Variants in UBE2E2 observed in about 807,000 individuals in gnomAD.
UBE2E2 encodes ubiquitin conjugating enzyme E2 E2, also known as ubiquitin-conjugating enzyme E2 E2.
UBE2E2 carries 6 observed loss-of-function variants against 24.7 expected under a neutral mutation model. The ratio of observed to expected loss-of-function variants is 0.24; its 90% CI spans 0.13 to 0.48. The LOEUF is 0.48. Among genes scored for constraint, UBE2E2 ranks in the 20% least tolerant of loss-of-function variants. The pLI is 0.99. For synonymous variants in UBE2E2, 104 were observed against 83.6 expected (o/e 1.24, Z -1.33); for missense variants, 169 against 245.0 (o/e 0.69, Z 2.07).
At chr3:23,303,114 T>C (rs1439159567) in intron 3 of UBE2E2, among the ~76,000 whole-genome samples, 1 of 152,064 alleles carries the variant, frequency 6.6e-6, no homozygotes, top group Non-Finnish European at 1.5e-5. Context: ...GCGCAAACTT[T>C]ATTGTGAACT....
At chr3:23,454,787 C>T (rs1698639389) in intron 3 of UBE2E2, among the ~76,000 whole-genome samples, 1 of 152,196 alleles carries the variant, frequency 6.6e-6, no homozygotes, top group Non-Finnish European at 1.5e-5. Flanking sequence ...AATTCAAGCA[C>T]TAAAATAAAA....
rs544975217 is a variant in UBE2E2, at chr3:23,299,590, G to A, written c.227+82278G>A. Reference sequence around the variant, plus strand: ...TTGTTCAGTTTCCATGTAGTTGCACGGTTTTGAGTGAGTTTCTTAATCCTG... The same window carrying A: ...TTGTTCAGTTTCCATGTAGTTGCACAGTTTTGAGTGAGTTTCTTAATCCTG... On this transcript the variant is annotated intron_variant, in intron 3 of 5. Transcript: ENST00000396703. 8.5e-5 allele frequency among the ~76,000 whole-genome samples: 13 copies of A among 152,210 alleles called. No homozygotes were observed. In the South Asian group the frequency reaches 1.7e-3, roughly 19 times the overall value.
intron 3 of UBE2E2, among the ~76,000 whole-genome samples, chr3:23,265,967 A>G (rs903824282): frequency 1.3e-5 from 2 of 151,900 alleles, no homozygotes; most frequent in African/African-American, 4.8e-5. Flanking sequence ...TAGGATTGCA[A>G]CCCCTGCGTT....
At chr3:23,510,094 C>G (rs764729617) in intron 4 of UBE2E2, among the ~76,000 whole-genome samples, 1 of 152,092 alleles carries the variant, frequency 6.6e-6, no homozygotes, top group African/African-American at 2.4e-5. Context: ...GTAGCAGCCT[C>G]TTAGAGATTT....
intron 3 of UBE2E2, among the ~76,000 whole-genome samples, chr3:23,292,797 G>C (rs1245018010): frequency 2.6e-5 from 4 of 152,152 alleles, no homozygotes; most frequent in Non-Finnish European, 1.5e-5. Context: ...TAATTGGCTG[G>C]GCACAGTGGC....
chr3:23,236,137 G>T (rs1277602028), intron 3 of UBE2E2, among the ~76,000 whole-genome samples: 2 of 152,066 alleles, frequency 1.3e-5, no homozygotes, highest in Admixed American at 6.6e-5. Flanking sequence ...AACCAGGAGA[G>T]AGGTTTCCAT....
chr3:23,233,417 A>G (rs1697022070), intron 3 of UBE2E2, among the ~76,000 whole-genome samples: 1 of 152,222 alleles, frequency 6.6e-6, no homozygotes, highest in African/African-American at 2.4e-5. Flanking sequence ...TAGAATAGAT[A>G]AATTTGCATT....
intron 3 of UBE2E2, among the ~76,000 whole-genome samples, chr3:23,432,017 A>G (rs1181208385): frequency 2.0e-5 from 3 of 152,172 alleles, no homozygotes; most frequent in Admixed American, 1.3e-4. Context: ...ATGTAGGCAA[A>G]CGCTACTAGT....
At chr3:23,268,578 C>T (rs923878670) in intron 3 of UBE2E2, among the ~76,000 whole-genome samples, 1 of 147,096 alleles carries the variant, frequency 6.8e-6, no homozygotes, top group Non-Finnish European at 1.5e-5. Context: ...GAAGAACATT[C>T]CATGCTCATG....
At chr3:23,516,545 C>T (rs899066663) in intron 4 of UBE2E2, among the ~76,000 whole-genome samples, 30 of 152,196 alleles carry the variant, frequency 2.0e-4, no homozygotes, top group Middle Eastern at 3.4e-3. Context: ...TAGCAGTCAA[C>T]AGTGTTTAGA....
At chr3:23,439,362 A>G (rs538187219) in intron 3 of UBE2E2, among the ~76,000 whole-genome samples, 1 of 152,336 alleles carries the variant, frequency 6.6e-6, no homozygotes, top group Admixed American at 6.5e-5. Flanking sequence ...GGTGTGTGTT[A>G]TAGTACCTGC....
intron 3 of UBE2E2, among the ~76,000 whole-genome samples, chr3:23,442,337 G>A (rs548822146): frequency 4.0e-5 from 6 of 151,796 alleles, no homozygotes; most frequent in African/African-American, 1.5e-4. Flanking sequence ...TGGGTATATA[G>A]CATTAATCTC....
At chr3:23,519,669 G>C (rs1040898970) in intron 4 of UBE2E2, among the ~76,000 whole-genome samples, 19 of 152,014 alleles carry the variant, frequency 1.2e-4, no homozygotes, top group Admixed American at 1.2e-3. Flanking sequence ...ATATATATGT[G>C]TGAGGGTTTT....
chr3:23,586,907 CTTT>C (rs11349385), intron 5 of UBE2E2, among the ~76,000 whole-genome samples: 9 of 147,684 alleles, frequency 6.1e-5, no homozygotes, highest in Admixed American at 2.7e-4. Context: ...AAATTAATCC[CTTT>C]TTTTTTTTTT....
chr3:23,293,783 T>C (rs1258698385), intron 3 of UBE2E2, among the ~76,000 whole-genome samples: 1 of 152,218 alleles, frequency 6.6e-6, no homozygotes, highest in African/African-American at 2.4e-5. Context: ...GGAGATATAC[T>C]TTCATTTTTC....
chr3:23,355,778 T>C (rs149559578), intron 3 of UBE2E2, among the ~76,000 whole-genome samples: 106 of 152,346 alleles, frequency 7.0e-4, no homozygotes, highest in African/African-American at 2.5e-3. Context: ...TTCCTCCTTT[T>C]TCTATAACAG....
intron 5 of UBE2E2, among the ~76,000 whole-genome samples, chr3:23,567,229 A>G (rs980005317): frequency 1.3e-5 from 2 of 152,206 alleles, no homozygotes; most frequent in African/African-American, 2.4e-5. Flanking sequence ...TTTTTTATCC[A>G]TAATAGAGGG....
intron 3 of UBE2E2, among the ~76,000 whole-genome samples, chr3:23,267,574 A>G (rs1430913146): frequency 1.3e-5 from 2 of 151,724 alleles, no homozygotes; most frequent in Non-Finnish European, 2.9e-5. Flanking sequence ...TAGCTTACCA[A>G]CCAAAAAGAG....
chr3:23,513,637 T>G (rs1202264433), intron 4 of UBE2E2, among the ~76,000 whole-genome samples: 2 of 152,204 alleles, frequency 1.3e-5, no homozygotes, highest in African/African-American at 4.8e-5. Flanking sequence ...CTGCCCAGAT[T>G]GCCCTCCAAA....
Sources: gnomAD v4.1 joint callset for allele counts (sites outside exome capture counted in the v4.1 genomes callset) on GRCh38, gnomAD v4.1.1 for gene constraint, MANE v1.5 for transcripts, NCBI Gene and HGNC (gene_info 2026-07-23, HGNC 2026-07-21) for gene names.